ARSG: variants seen among roughly 807,000 people sequenced by gnomAD.
The protein encoded by ARSG is arylsulfatase G, also known as ASG.
A neutral mutation model predicts 50.5 loss-of-function variants in ARSG; 37 were observed. That is an observed-to-expected ratio of 0.73 (90% CI 0.56 to 0.96). ARSG has a LOEUF of 0.96. Ranked by LOEUF, ARSG falls within the 50% of genes least tolerant of loss-of-function variation. ARSG has a pLI of 0.00. For missense variants in ARSG, 629 were observed against 675.3 expected (o/e 0.93, Z 0.76); for synonymous variants, 225 against 254.6 (o/e 0.88, Z 1.11).
chr17:68,423,117 T>C (rs1314679285), downstream of ARSG, among the ~76,000 whole-genome samples: 1 of 152,176 alleles, frequency 6.6e-6, no homozygotes, highest in Non-Finnish European at 1.5e-5. This position sits in a 1 kb window ranked among gnomAD's most constrained non-coding sequence, Gnocchi z 4.4. Context: ...AGAGAGGCGA[T>C]TTTAACCAAG....
intron 2 of ARSG, among the ~76,000 whole-genome samples, chr17:68,311,418 C>T (rs781879593): frequency 6.6e-6 from 1 of 152,144 alleles, no homozygotes; most frequent in Non-Finnish European, 1.5e-5. Context: ...ATCATCTGAC[C>T]ACTACATTGG....
chr17:68,352,119 G>GGAGAGAGAGAGAGAGAGACAGAGGA (rs2078809365), intron 5 of ARSG, among the ~76,000 whole-genome samples: 2 of 73,004 alleles, frequency 2.7e-5, no homozygotes, highest in Admixed American at 1.5e-4. Context: ...GAGAGACAGA[G>GGAGAGAGAGAGAGAGAGACAGAGGA]GAGAGAGAGA....
At chr17:68,276,825 C>A (rs2075538790) in intron 1 of ARSG, among the ~76,000 whole-genome samples, 1 of 152,122 alleles carries the variant, frequency 6.6e-6, no homozygotes, top group Non-Finnish European at 1.5e-5. Flanking sequence ...TTCTGACAGA[C>A]CAATGAACTC....
At position 68,381,961 on chromosome 17, in the gene ARSG, CT is replaced by C. The variant is rs71293553; in HGVS notation, c.983-3090del. ...TTGGCTCTATCATTTTCTTTCTTTC[CT>C]TTTTTTTTTTTTGACAGAGTCTCTG... On this transcript the variant is annotated intron_variant, in intron 8 of 11. Transcript: ENST00000621439. This position sits in a 1 kb window ranked among gnomAD's most constrained non-coding sequence, Gnocchi z 4.1. 2.6e-3 allele frequency among the ~76,000 whole-genome samples: 365 copies of C among 142,356 alleles called. No individual in the cohort carries two copies. The highest frequency in any genetic ancestry group is 2.4e-3 in the Non-Finnish European group (156 of 65,110). 93.4% of individuals were successfully genotyped at this position (142,356 alleles called of 152,430 possible).
At chr17:68,272,056 C>T (rs2075358943) in intron 1 of ARSG, among the ~76,000 whole-genome samples, 1 of 152,072 alleles carries the variant, frequency 6.6e-6, no homozygotes, top group South Asian at 2.1e-4. Context: ...CTGCCTCGGC[C>T]TCTCAAAGTA....
rs377188269 is a variant in ARSG at position 68,395,101 on chromosome 17, G to A, written c.1120G>A (p.Ala374Thr). Reference sequence around the variant, plus strand: ...GCTGGACATTTTTCCAACTGTGGTAGCCCTGGCCCAGGCCAGCTTACCTCA... The same window carrying A: ...GCTGGACATTTTTCCAACTGTGGTAACCCTGGCCCAGGCCAGCTTACCTCA... ...SVLDIFPTVV[A>T]LAQASLPQGR... is the part of the protein sequence containing the mutation. Residue 374 changes from alanine (A) to threonine (T), a missense_variant, in exon 10 of 12, where the codon GCC becomes ACC. Transcript: ENST00000621439. 6.2e-7 allele frequency: 1 copy of A among 1,614,104 alleles called. No homozygotes were observed. Among genetic ancestry groups the A allele is most frequent in the Non-Finnish European group, 8.5e-7 (1 of 1,179,942 alleles).
intron 11 of ARSG, among the ~76,000 whole-genome samples, chr17:68,413,122 G>A (rs949230988): frequency 2.0e-5 from 3 of 152,070 alleles, no homozygotes; most frequent in Middle Eastern, 3.4e-3. Context: ...CTCTCAGCTC[G>A]TCAAAGTTAT....
chr17:68,373,632 G>T (rs1299670056), intron 8 of ARSG, among the ~76,000 whole-genome samples: 2 of 152,180 alleles, frequency 1.3e-5, no homozygotes, highest in Non-Finnish European at 2.9e-5. Flanking sequence ...GGAAATTTGA[G>T]TCGGGGTCAG....
At chr17:68,426,249 C>CGG (rs1316424396), downstream of ARSG, 4 of 787,864 alleles carry the variant, frequency 5.1e-6, no homozygotes, top group Admixed American at 3.5e-5. Context: ...GGGTGGGGAG[C>CGG]GGGGGCTCAA....
chr17:68,426,239 G>GGGT (rs1555798436), downstream of ARSG: 104 of 1,170,168 alleles, frequency 8.9e-5, 1 homozygote, highest in African/African-American at 1.5e-3. Context: ...ATGACCTGGC[G>GGGT]GGTGGGGAGC....
intron 1 of ARSG, among the ~76,000 whole-genome samples, chr17:68,260,623 T>G (rs1269227720): frequency 1.3e-5 from 2 of 152,104 alleles, no homozygotes; most frequent in African/African-American, 2.4e-5. Flanking sequence ...AAGTAGCTGG[T>G]ATTACAGGTG....
chr17:68,447,984 C>CAAAAAAAAA, the ARSG span, among the ~76,000 whole-genome samples: 1 of 80,286 alleles, frequency 1.2e-5, no homozygotes, highest in Admixed American at 1.4e-4. Flanking sequence ...GACTCTATCT[C>CAAAAAAAAA]AAAAAAAAAA....
In ARSG at chr17:68,311,883, C is replaced by T. The variant is rs532215464; in HGVS notation, c.218+4172C>T. On this transcript the variant is annotated intron_variant, in intron 2 of 11. Transcript: ENST00000621439. ...TAGTGCGATCTTGGCTCACTGCAAC[C>T]TCCACCTCCCAGGTTCAAGCGATTC... Among the ~76,000 whole-genome samples, 546 of 151,628 alleles carry T rather than the reference C, an allele frequency of 3.6e-3. 4 individuals carry two copies. Among genetic ancestry groups the T allele is most frequent in the African/African-American group, 0.012 (508 of 41,290 alleles).
At chr17:68,401,305 G>T in intron 10 of ARSG, 55 bp from the exon 11 acceptor site, 1 of 1,481,680 alleles carries the variant, frequency 6.7e-7, no homozygotes, top group Non-Finnish European at 9.4e-7. Context: ...TTACAGGCAT[G>T]AGTCACCGAG....
chr17:68,362,820 A>T, intron 6 of ARSG, among the ~76,000 whole-genome samples: 2 of 152,056 alleles, frequency 1.3e-5, no homozygotes, highest in Admixed American at 6.6e-5. Flanking sequence ...TTTATATTTT[A>T]GTTGCCTTTT....
At chr17:68,437,947 TTAAAAAAAAAA>T in the ARSG span, among the ~76,000 whole-genome samples, 3 of 58,810 alleles carry the variant, frequency 5.1e-5, no homozygotes, top group South Asian at 1.3e-3. Flanking sequence ...GACATCTCTC[TTAAAAAAAAAA>T]AAAAAAAAAA....
At chr17:68,447,255 T>A in the ARSG span, among the ~76,000 whole-genome samples, 1 of 152,218 alleles carries the variant, frequency 6.6e-6, no homozygotes, top group Non-Finnish European at 1.5e-5. Flanking sequence ...AGTATGCAAA[T>A]CTAAATACAT....
rs561739012 is a variant in ARSG, at chr17:68,367,894, A to G, written c.705-654A>G. 2.6e-5 allele frequency among the ~76,000 whole-genome samples: 4 copies of G among 152,246 alleles called. No homozygotes were observed. In the South Asian group the frequency reaches 8.3e-4, roughly 32 times the overall value. ...GAGGCCAACCTAGCCAACGTAGCAA[A>G]ACCCCATCTCTACTAAAAATACAAA... On this transcript the variant is annotated intron_variant, in intron 6 of 11. Coordinates refer to ENST00000621439, the MANE Select transcript of ARSG (RefSeq NM_001267727.2). This position sits in a 1 kb window ranked among gnomAD's most constrained non-coding sequence, Gnocchi z 4.5.
upstream of ARSG, among the ~76,000 whole-genome samples, chr17:68,287,618 TTTC>T (rs1242837859): frequency 2.0e-5 from 3 of 152,164 alleles, no homozygotes; most frequent in Non-Finnish European, 4.4e-5. Context: ...GGACAGAAGC[TTTC>T]TTTTCTTTTT....
Sources: allele counts gnomAD v4.1 joint callset (sites outside exome capture counted in the v4.1 genomes callset), GRCh38; gene constraint gnomAD v4.1.1; non-coding constraint Gnocchi (gnomAD v3.1); transcripts MANE v1.5; gene names NCBI Gene and HGNC (gene_info 2026-07-23, HGNC 2026-07-21).